ARHGEF7: variants seen among roughly 807,000 people sequenced by gnomAD.
ARHGEF7 encodes the protein Rho guanine nucleotide exchange factor 7.
Under a neutral mutation model 109.8 loss-of-function variants are expected in ARHGEF7, and 33 were observed. That is an observed-to-expected ratio of 0.30 (90% CI 0.23 to 0.40). The LOEUF is 0.40. Ranked by LOEUF, ARHGEF7 falls within the 10% of genes least tolerant of loss-of-function variation. ARHGEF7 has a pLI of 1.00. For missense variants in ARHGEF7, 938 were observed against 1,098.5 expected (o/e 0.85, Z 2.07); for synonymous variants, 458 against 424.6 (o/e 1.08, Z -0.97).
chr13:111,299,726 C>T (rs1595640587), intron 19 of ARHGEF7, among the ~76,000 whole-genome samples: 2 of 152,092 alleles, frequency 1.3e-5, no homozygotes, highest in East Asian at 1.9e-4. Context: ...ACAGCAAGTG[C>T]CTTTCTTATG....
intron 5 of ARHGEF7, among the ~76,000 whole-genome samples, chr13:111,223,089 A>G (rs2084690594): frequency 6.6e-6 from 1 of 152,236 alleles, no homozygotes; most frequent in African/African-American, 2.4e-5. Flanking sequence ...CATAGTATAT[A>G]TAGGGTTGGT....
intron 1 of ARHGEF7, among the ~76,000 whole-genome samples, chr13:111,143,242 C>T (rs759557196): frequency 5.3e-5 from 8 of 152,154 alleles, no homozygotes; most frequent in Non-Finnish European, 1.2e-4. Context: ...GGCAGCATCC[C>T]GGCAGAGAAC....
chr13:111,299,272 T>G (rs929190271), intron 19 of ARHGEF7, among the ~76,000 whole-genome samples: 2 of 151,882 alleles, frequency 1.3e-5, no homozygotes, highest in African/African-American at 2.4e-5. Flanking sequence ...AGCTTTGGCA[T>G]CATCCTTAAC....
At chr13:111,224,728 A>G (rs1199889293) in intron 5 of ARHGEF7, among the ~76,000 whole-genome samples, 2 of 152,200 alleles carry the variant, frequency 1.3e-5, no homozygotes, top group Admixed American at 6.5e-5. Flanking sequence ...GTCGTTATTA[A>G]TTTAGCTGTG....
At chr13:111,163,956 G>T (rs934700039) in intron 2 of ARHGEF7, among the ~76,000 whole-genome samples, 1 of 152,146 alleles carries the variant, frequency 6.6e-6, no homozygotes. Flanking sequence ...ATAAAATCGT[G>T]TTGGAATTTG....
At chr13:111,216,450 A>G (rs1392878679) in intron 4 of ARHGEF7, among the ~76,000 whole-genome samples, 18 of 145,248 alleles carry the variant, frequency 1.2e-4, no homozygotes, top group South Asian at 4.5e-4. Flanking sequence ...TGCTGATGTC[A>G]CTGGTGGGGA....
chr13:111,213,512 C>T (rs2082747863), intron 4 of ARHGEF7, among the ~76,000 whole-genome samples: 1 of 152,184 alleles, frequency 6.6e-6, no homozygotes, highest in African/African-American at 2.4e-5. Flanking sequence ...AGCTTGCGTT[C>T]CCCAAGGTAT....
At chr13:111,297,421 T>C (rs1163955966) in intron 19 of ARHGEF7, among the ~76,000 whole-genome samples, 2 of 152,260 alleles carry the variant, frequency 1.3e-5, no homozygotes, top group East Asian at 3.8e-4. Context: ...ATGCTTTAAG[T>C]GTAGCTGTAG....
At chr13:111,151,793 CAG>C (rs370088914) in intron 1 of ARHGEF7, among the ~76,000 whole-genome samples, 48 of 151,940 alleles carry the variant, frequency 3.2e-4, no homozygotes, top group African/African-American at 1.1e-3. Flanking sequence ...CCATTTGAAA[CAG>C]AAATCACCAT....
At chr13:111,188,958 C>T (rs2079556533) in intron 2 of ARHGEF7, among the ~76,000 whole-genome samples, 1 of 152,214 alleles carries the variant, frequency 6.6e-6, no homozygotes, top group African/African-American at 2.4e-5. Context: ...ACAGTTCCTA[C>T]ATTTCAGTGT....
At chr13:111,153,433 A>T (rs901105246) in intron 1 of ARHGEF7, among the ~76,000 whole-genome samples, 3 of 151,718 alleles carry the variant, frequency 2.0e-5, no homozygotes, top group Non-Finnish European at 4.4e-5. Flanking sequence ...CCGCGGGGCT[A>T]GGGTAGAGAC....
chr13:111,210,126 C>G, intron 4 of ARHGEF7, 124 bp downstream of exon 4: 4 of 1,288,786 alleles, frequency 3.1e-6, no homozygotes, highest in African/African-American at 1.5e-5. Context: ...AGCTGGACTT[C>G]GCCTCCGTTG....
At chr13:111,177,839 T>TA (rs138889130) in intron 2 of ARHGEF7, among the ~76,000 whole-genome samples, 19,973 of 152,256 alleles carry the variant, frequency 0.13, 1,696 homozygotes, top group Middle Eastern at 0.24. Context: ...AAAAAAGTGT[T>TA]AAGAAGGGTA....
intron 16 of ARHGEF7, among the ~76,000 whole-genome samples, chr13:111,283,566 C>T (rs182494071): frequency 1.3e-5 from 2 of 152,344 alleles, no homozygotes; most frequent in Admixed American, 6.5e-5. Flanking sequence ...AGGCGATGTG[C>T]AGGGTCCCCC....
intron 1 of ARHGEF7, among the ~76,000 whole-genome samples, chr13:111,149,752 C>A (rs1055297678): frequency 3.3e-5 from 5 of 152,198 alleles, no homozygotes; most frequent in Admixed American, 6.5e-5. Flanking sequence ...TACACACATG[C>A]ACACAATACA....
At chr13:111,227,554 T>G (rs181133553) in intron 5 of ARHGEF7, among the ~76,000 whole-genome samples, 1 of 152,334 alleles carries the variant, frequency 6.6e-6, no homozygotes, top group Admixed American at 6.5e-5. Context: ...AATTGCAAAC[T>G]TAATAGACTA....
intron 5 of ARHGEF7, among the ~76,000 whole-genome samples, chr13:111,219,159 A>G (rs901213203): frequency 7.9e-5 from 12 of 152,158 alleles, no homozygotes; most frequent in African/African-American, 2.7e-4. Flanking sequence ...TTCTGTTCCC[A>G]TTAAACAGTC....
At position 111,211,105 on chromosome 13, in the gene ARHGEF7, T is replaced by C. The variant is rs189390745; in HGVS notation, c.468+1103T>C. On this transcript the variant is annotated intron_variant, in intron 4 of 21. Coordinates refer to ENST00000646102, the MANE Select transcript of ARHGEF7 (RefSeq NM_001354046.2). ...GAGGATCCCCGAGGGGTCTGACTGC[T>C]TCAGGCGTGGTGGGCGGTGGGCTGC... Among the ~76,000 whole-genome samples the C allele has an allele frequency of 2.1e-3, 313 of 152,322 alleles. 2 individuals carry two copies. Among genetic ancestry groups the C allele is most frequent in the Non-Finnish European group, 3.0e-3 (206 of 68,030 alleles).
intron 4 of ARHGEF7, among the ~76,000 whole-genome samples, chr13:111,215,694 C>T (rs1042018009): frequency 4.6e-5 from 7 of 152,176 alleles, no homozygotes; most frequent in South Asian, 2.1e-4. Flanking sequence ...TAGTCTTTTG[C>T]GTATTTCTAA....
Sources: allele counts gnomAD v4.1 joint callset (sites outside exome capture counted in the v4.1 genomes callset), GRCh38; gene constraint gnomAD v4.1.1; transcripts MANE v1.5; gene names NCBI Gene and HGNC (gene_info 2026-07-23, HGNC 2026-07-21).